FAM110B: variants seen among roughly 807,000 people sequenced by gnomAD.
FAM110B encodes family with sequence similarity 110 member B.
A neutral mutation model predicts 20.4 loss-of-function variants in FAM110B; 6 were observed. The observed-to-expected ratio is 0.29, with a 90% CI of 0.16 to 0.58. The LOEUF is 0.58. Among genes scored for constraint, FAM110B ranks in the 20% least tolerant of loss-of-function variants. The pLI, the probability that FAM110B is intolerant of heterozygous loss-of-function variation, is 0.90. For missense variants in FAM110B, 434 were observed against 498.2 expected (o/e 0.87, Z 1.23); for synonymous variants, 226 against 214.1 (o/e 1.06, Z -0.49).
chr8:58,116,532 T>C (rs979237318), intron 3 of FAM110B, among the ~76,000 whole-genome samples: 1 of 152,224 alleles, frequency 6.6e-6, no homozygotes, highest in Non-Finnish European at 1.5e-5. Context: ...CTTTTCTTAT[T>C]TGACAGATAG....
chr8:58,002,748 A>G (rs1434064866), intron 1 of FAM110B, among the ~76,000 whole-genome samples: 4 of 152,250 alleles, frequency 2.6e-5, no homozygotes, highest in Non-Finnish European at 4.4e-5. Context: ...AACAATGTAC[A>G]TACCTTAATT....
intron 2 of FAM110B, among the ~76,000 whole-genome samples, chr8:58,031,906 T>C (rs924963828): frequency 6.6e-6 from 1 of 152,192 alleles, no homozygotes. Flanking sequence ...TAGCAAACTT[T>C]TGTGGACTCT....
intron 1 of FAM110B, among the ~76,000 whole-genome samples, chr8:58,019,525 T>C (rs1488848497): frequency 6.6e-6 from 1 of 152,106 alleles, no homozygotes; most frequent in Non-Finnish European, 1.5e-5. Context: ...CTATTGTTTA[T>C]TATAGGGTAG....
chr8:58,129,087 G>A (rs1489791801), intron 3 of FAM110B, among the ~76,000 whole-genome samples: 2 of 152,180 alleles, frequency 1.3e-5, no homozygotes, highest in African/African-American at 4.8e-5. Flanking sequence ...TATCTTTAGA[G>A]CTATTAAACA....
intron 3 of FAM110B, among the ~76,000 whole-genome samples, chr8:58,079,898 G>A (rs1806146992): frequency 6.6e-6 from 1 of 152,170 alleles, no homozygotes; most frequent in African/African-American, 2.4e-5. Context: ...TTGTGTAATT[G>A]TAAATGTAGT....
At chr8:58,042,745 C>A (rs1274539281) in intron 2 of FAM110B, among the ~76,000 whole-genome samples, 2 of 152,196 alleles carry the variant, frequency 1.3e-5, no homozygotes, top group Non-Finnish European at 2.9e-5. Flanking sequence ...GTGTTTTCTA[C>A]TATCTAAAAC....
At chr8:58,131,760 C>T (rs1362035726) in intron 3 of FAM110B, among the ~76,000 whole-genome samples, 2 of 152,210 alleles carry the variant, frequency 1.3e-5, no homozygotes, top group African/African-American at 4.8e-5. Context: ...CTGCCTGGCA[C>T]ATTTGTAGAT....
At chr8:58,026,580 TTTCTTG>T (rs1804860186) in intron 1 of FAM110B, among the ~76,000 whole-genome samples, 1 of 152,146 alleles carries the variant, frequency 6.6e-6, no homozygotes, top group Admixed American at 6.6e-5. Context: ...GTGGGTTCAA[TTTCTTG>T]GTGTGTGAAA....
At chr8:58,107,579 G>A (rs1806950131) in intron 3 of FAM110B, among the ~76,000 whole-genome samples, 1 of 152,232 alleles carries the variant, frequency 6.6e-6, no homozygotes, top group African/African-American at 2.4e-5. Context: ...AAACTGTCTT[G>A]TGTCATTCAA....
chr8:58,006,063 ATAT>A (rs1270894181), intron 1 of FAM110B, among the ~76,000 whole-genome samples: 1 of 152,116 alleles, frequency 6.6e-6, no homozygotes, highest in Non-Finnish European at 1.5e-5. Flanking sequence ...AATGACAATG[ATAT>A]TATTATTCAG....
At chr8:58,036,195 C>T (rs1208553340) in intron 2 of FAM110B, among the ~76,000 whole-genome samples, 1 of 152,186 alleles carries the variant, frequency 6.6e-6, no homozygotes, top group African/African-American at 2.4e-5. Context: ...TTATCAGTGT[C>T]CTTTGCTACA....
At chr8:58,065,350 T>G (rs566124291) in intron 2 of FAM110B, among the ~76,000 whole-genome samples, 47 of 152,232 alleles carry the variant, frequency 3.1e-4, no homozygotes, top group African/African-American at 1.1e-3. Flanking sequence ...TACTTAAAAT[T>G]TTATAGGAAT....
chr8:58,009,422 A>G (rs1804482529), intron 1 of FAM110B, among the ~76,000 whole-genome samples: 1 of 152,198 alleles, frequency 6.6e-6, no homozygotes, highest in African/African-American at 2.4e-5. Context: ...GCTGCCCAGC[A>G]CTGGAAATGT....
intron 3 of FAM110B, among the ~76,000 whole-genome samples, chr8:58,087,513 T>A (rs1317286373): frequency 6.6e-6 from 1 of 152,162 alleles, no homozygotes. Flanking sequence ...CAAAGCTACA[T>A]GGGTCATAAC....
intron 2 of FAM110B, among the ~76,000 whole-genome samples, chr8:58,067,226 G>A (rs998231995): frequency 6.6e-6 from 1 of 152,190 alleles, no homozygotes; most frequent in African/African-American, 2.4e-5. Context: ...AGAACTTGAG[G>A]AAATCCATGC....
intron 3 of FAM110B, among the ~76,000 whole-genome samples, chr8:58,102,991 A>G (rs532937168): frequency 2.0e-4 from 26 of 128,606 alleles, no homozygotes; most frequent in African/African-American, 7.7e-4. Context: ...ATATAGTACA[A>G]TGCTTGTTAT....
intron 3 of FAM110B, among the ~76,000 whole-genome samples, chr8:58,120,444 G>A (rs978202096): frequency 3.9e-5 from 6 of 152,298 alleles, no homozygotes; most frequent in Admixed American, 2.6e-4. Context: ...AAGGAATAAT[G>A]GAGAATGTAG....
chr8:58,061,370 A>G (rs1254633029), intron 2 of FAM110B, among the ~76,000 whole-genome samples: 6 of 152,200 alleles, frequency 3.9e-5, no homozygotes, highest in Non-Finnish European at 2.9e-5. Flanking sequence ...CTTCTATATA[A>G]TTGAGTATGC....
chr8:58,071,630 C>T (rs1234136088), intron 2 of FAM110B, among the ~76,000 whole-genome samples: 1 of 152,168 alleles, frequency 6.6e-6, no homozygotes, highest in African/African-American at 2.4e-5. Context: ...CCCCACATTT[C>T]CTTTCAGGTC....
Sources: allele counts gnomAD v4.1 joint callset (sites outside exome capture counted in the v4.1 genomes callset), GRCh38; gene constraint gnomAD v4.1.1; transcripts MANE v1.5; gene names NCBI Gene and HGNC (gene_info 2026-07-23, HGNC 2026-07-21).